Variants in RCBTB1 observed in about 807,000 individuals in gnomAD.
RCBTB1 encodes RCC1 and BTB domain containing protein 1.
In RCBTB1, 46 loss-of-function variants were observed where a neutral mutation model predicts 62.4. That is an observed-to-expected ratio of 0.74 (90% CI 0.58 to 0.94). RCBTB1 has a LOEUF of 0.94. RCBTB1 is among the 40% of genes least tolerant of loss of function. The pLI is 0.00. For synonymous variants in RCBTB1, 222 were observed against 245.8 expected (o/e 0.90, Z 0.91); for missense variants, 565 against 654.9 (o/e 0.86, Z 1.50).
rs994018767 is a variant in RCBTB1 at position 49,533,535 on chromosome 13, G to A, written c.*587C>T. 2 of 151,998 alleles carry A rather than the reference G, an allele frequency of 1.3e-5. No individual in the cohort carries two copies. Among genetic ancestry groups the A allele is most frequent in the East Asian group, 1.9e-4 (1 of 5,190 alleles). 9.4% of individuals were successfully genotyped at this position (151,998 alleles called of 1,614,324 possible). ...TATCATTTCAACAGGTTTAATATAC[G>A]TTAAACTTATTACTTTGATTTATCT... is the stretch of plus-strand genomic sequence containing the variant. On this transcript the variant is annotated 3_prime_UTR_variant, in exon 13 of 13. Transcript: ENST00000378302.
Position 49,533,991 on chromosome 13 carries a change from G to A in RCBTB1, c.*131C>T. On this transcript the variant is annotated 3_prime_UTR_variant, in exon 13 of 13. Coordinates refer to ENST00000378302, the MANE Select transcript of RCBTB1 (RefSeq NM_018191.4). ...TTGTTATGTTCCTACACAAACAACT[G>A]TGTCCCAGATGTGGAAAAAAACAAC... is the stretch of plus-strand genomic sequence containing the variant. The A allele has an allele frequency of 1.1e-6, 1 of 871,778 alleles. No individual in the cohort carries two copies. The highest frequency in any genetic ancestry group is 2.5e-5 in the Admixed American group (1 of 40,192). The allele number at this position is 871,778 out of a possible 1,614,324, so 54.0% of individuals were successfully genotyped here.
chr13:49,556,223 G>A (rs1594293343), intron 5 of RCBTB1, among the ~76,000 whole-genome samples: 2 of 139,398 alleles, frequency 1.4e-5, no homozygotes, highest in East Asian at 4.3e-4. Context: ...TTGAGATAGA[G>A]TTTCACTCTG....
chr13:49,568,649 G>A (rs1427365568), intron 2 of RCBTB1, among the ~76,000 whole-genome samples: 2 of 61,130 alleles, frequency 3.3e-5, no homozygotes, highest in Admixed American at 1.4e-4. Flanking sequence ...TAATCAGGCC[G>A]GGGGAGGGGG....
intron 4 of RCBTB1, 25 bp downstream of exon 4, chr13:49,566,591 GAA>G (rs924909840): frequency 5.6e-6 from 9 of 1,602,092 alleles, no homozygotes; most frequent in South Asian, 1.1e-5. Context: ...CTTACAAACT[GAA>G]AAGTTAGATG....
chr13:49,537,486 C>T (rs7982445), intron 12 of RCBTB1, among the ~76,000 whole-genome samples: 88,812 of 151,946 alleles, frequency 0.58, 27,195 homozygotes, highest in Non-Finnish European at 0.69. Context: ...AATACTCATA[C>T]CCCAGACCAA....
chr13:49,549,978 T>A, intron 8 of RCBTB1: 1 of 854,764 alleles, frequency 1.2e-6, no homozygotes, highest in Non-Finnish European at 1.4e-6. Flanking sequence ...TGTGATGGCT[T>A]AAATACCATT....
intron 4 of RCBTB1, among the ~76,000 whole-genome samples, chr13:49,561,616 A>G (rs553049990): frequency 2.0e-5 from 3 of 152,358 alleles, no homozygotes; most frequent in African/African-American, 4.8e-5. Flanking sequence ...TCAGTATCAT[A>G]AAGATTCTAG....
intron 4 of RCBTB1, among the ~76,000 whole-genome samples, chr13:49,565,556 A>G (rs59428512): frequency 0.21 from 24,364 of 116,858 alleles, 2,578 homozygotes; most frequent in African/African-American, 0.38. Flanking sequence ...CCGCCACCCC[A>G]TCTAGGAAGT....
intron 12 of RCBTB1, 51 bp from the exon 13 acceptor site, chr13:49,534,313 G>C: frequency 1.3e-6 from 2 of 1,574,124 alleles, no homozygotes; most frequent in Non-Finnish European, 8.7e-7. Context: ...AGGCAACTTT[G>C]ATTGAATTAC....
At chr13:49,557,777 A>T (rs566967008) in intron 5 of RCBTB1, among the ~76,000 whole-genome samples, 91 of 152,182 alleles carry the variant, frequency 6.0e-4, no homozygotes, top group African/African-American at 2.1e-3. Flanking sequence ...TTTTTTTTTT[A>T]AAAGAATGAA....
Position 49,566,657 on chromosome 13 carries a change from T to C in RCBTB1, c.238A>G (p.Ser80Gly). 1.2e-6 allele frequency: 2 copies of C among 1,614,180 alleles called. No homozygotes were observed. The highest frequency in any genetic ancestry group is 1.7e-6 in the Non-Finnish European group (2 of 1,180,006). Residue 80 changes from serine to glycine, a missense_variant, in exon 4 of 13, where the codon AGT (serine) becomes GGT (glycine). Physicochemically the swap from Ser to Gly is moderately conservative, Grantham distance 56 (BLOSUM62 0). Transcript: ENST00000378302. ...GLCGKKIKSLSYGSGPHVLLS... is the reference protein window; with the variant it reads ...GLCGKKIKSLGYGSGPHVLLS... ...AGAACATGTGGTCCACTCCCGTAAC[T>C]GAGGCTTTTAATCTTCTTTCCACAT...
chr13:49,560,891 T>C (rs1218284221), intron 4 of RCBTB1, among the ~76,000 whole-genome samples: 1 of 152,098 alleles, frequency 6.6e-6, no homozygotes, highest in East Asian at 1.9e-4. Flanking sequence ...CAGGGTAAGG[T>C]ATGCGGGGAT....
intron 8 of RCBTB1, chr13:49,551,064 T>G: frequency 1.3e-5 from 5 of 388,472 alleles, no homozygotes; most frequent in Non-Finnish European, 1.9e-5. Flanking sequence ...GATCGTGCCA[T>G]TGCACTCCAG....
chr13:49,559,655 C>CAAAAAAAAAA (rs11458278), intron 5 of RCBTB1, among the ~76,000 whole-genome samples: 1 of 103,960 alleles, frequency 9.6e-6, no homozygotes, highest in Non-Finnish European at 1.8e-5. Flanking sequence ...GACTCCATCT[C>CAAAAAAAAAA]AAAAAAAAAA....
chr13:49,543,025 G>C (rs901333342), intron 10 of RCBTB1, among the ~76,000 whole-genome samples: 1 of 152,180 alleles, frequency 6.6e-6, no homozygotes, highest in African/African-American at 2.4e-5. Context: ...GGGAGGCCGA[G>C]GCAGGTCAGC....
chr13:49,544,571 A>T (rs573238182), intron 10 of RCBTB1, among the ~76,000 whole-genome samples, 166 bp downstream of exon 10: 1 of 152,358 alleles, frequency 6.6e-6, no homozygotes, highest in East Asian at 1.9e-4. Context: ...CCATGAGTGT[A>T]CACAAAAAAC....
intron 6 of RCBTB1, 139 bp downstream of exon 6, chr13:49,555,376 C>T (rs1961759370): frequency 2.8e-6 from 2 of 716,616 alleles, no homozygotes; most frequent in African/African-American, 3.6e-5. Flanking sequence ...GCTCCTCAGT[C>T]AGTAATCAGT....
intron 9 of RCBTB1, chr13:49,546,171 C>T: frequency 1.0e-6 from 1 of 985,402 alleles, no homozygotes; most frequent in Non-Finnish European, 1.2e-6. Flanking sequence ...CTCATCAGTG[C>T]TTCAACTTCT....
intron 4 of RCBTB1, among the ~76,000 whole-genome samples, chr13:49,560,680 CAG>C (rs1430406282): frequency 1.3e-5 from 2 of 151,316 alleles, no homozygotes; most frequent in Non-Finnish European, 2.9e-5. Context: ...GGAATTTGGA[CAG>C]GGGACAATGA....
Sources: allele counts gnomAD v4.1 joint callset (sites outside exome capture counted in the v4.1 genomes callset), GRCh38; gene constraint gnomAD v4.1.1; transcripts MANE v1.5; gene names NCBI Gene and HGNC (gene_info 2026-07-23, HGNC 2026-07-21).